The following SIK2 variants were observed in gnomAD, a reference collection of about 807,000 sequenced individuals.
SIK2 encodes serine/threonine-protein kinase SIK2.
A neutral mutation model predicts 103.2 loss-of-function variants in SIK2; 29 were observed. The ratio of observed to expected loss-of-function variants is 0.28; its 90% CI spans 0.21 to 0.38. The LOEUF (loss-of-function observed/expected upper bound fraction) is 0.38. SIK2 is among the 10% of genes least tolerant of loss of function. SIK2 has a pLI of 1.00. For missense variants in SIK2, 879 were observed against 1,171.0 expected (o/e 0.75, Z 3.64); for synonymous variants, 412 against 446.1 (o/e 0.92, Z 0.96).
At position 111,630,193 on chromosome 11, in the gene SIK2, T is replaced by A. The variant is rs138430239; in HGVS notation, c.316+9791T>A. ...ACAACATGCATACATCTTACAGACA[T>A]GTGCTAAGTAAAAGAAGCTGGACAC... On this transcript the variant is annotated intron_variant, in intron 3 of 14. Coordinates refer to ENST00000304987, the MANE Select transcript of SIK2 (RefSeq NM_015191.3). Among the ~76,000 whole-genome samples the A allele has an allele frequency of 1.6e-3, 243 of 152,224 alleles. 2 individuals are homozygous for A. The highest frequency in any genetic ancestry group is 5.4e-3 in the African/African-American group (225 of 41,544).
At chr11:111,611,190 A>G (rs1473279090) in intron 1 of SIK2, among the ~76,000 whole-genome samples, 1 of 151,564 alleles carries the variant, frequency 6.6e-6, no homozygotes, top group African/African-American at 2.4e-5. Context: ...CAGAGGTTGC[A>G]GTGAGCTGAG....
chr11:111,677,586 A>ATTTT lies in SIK2; in HGVS notation c.317-10396_317-10393dup, dbSNP rs11384906. ...GCGTGTGCCACAATGCCCAGCTAAA[A>ATTTT]TTTTTTTTTTTTTTTTTTTTTTGGT... On this transcript the variant is annotated intron_variant, in intron 3 of 14. Coordinates refer to ENST00000304987, the MANE Select transcript of SIK2 (RefSeq NM_015191.3). Among the ~76,000 whole-genome samples the ATTTT allele has an allele frequency of 1.6e-3, 172 of 110,924 alleles. 2 individuals carry two copies. The highest frequency in any genetic ancestry group is 5.7e-3 in the African/African-American group (162 of 28,360). 72.8% of individuals were successfully genotyped at this position (110,924 alleles called of 152,430 possible).
intron 3 of SIK2, among the ~76,000 whole-genome samples, chr11:111,645,158 A>C (rs1308222629): frequency 1.3e-5 from 2 of 152,254 alleles, no homozygotes; most frequent in Non-Finnish European, 2.9e-5. Context: ...ACTCTTACAT[A>C]CTACTGGTGA....
Position 111,722,782 on chromosome 11 carries a change from A to G in SIK2, c.2147+26A>G. 5.6e-6 allele frequency: 9 copies of G among 1,605,030 alleles called. No individual in the cohort carries two copies. The highest frequency in any genetic ancestry group is 7.7e-6 in the Non-Finnish European group (9 of 1,174,618). Reference sequence around the variant, plus strand: ...GTGAGAAGGGGACTTTGGCCAAAGAAGTTGCTTCCTTTTCTGGAAGCCTTG... The same window carrying G: ...GTGAGAAGGGGACTTTGGCCAAAGAGGTTGCTTCCTTTTCTGGAAGCCTTG... On this transcript the variant is annotated intron_variant, in intron 14 of 14. Coordinates refer to ENST00000304987, the MANE Select transcript of SIK2 (RefSeq NM_015191.3). The surrounding 1 kb of genome is among the most constrained non-coding windows in gnomAD (Gnocchi z 4.4).
chr11:111,723,409 G>A, intron 14 of SIK2, 87 bp from the exon 15 acceptor site: 2 of 1,386,632 alleles, frequency 1.4e-6, no homozygotes, highest in South Asian at 1.4e-5. Context: ...GTAGAAGACT[G>A]AAGCTAGTGA....
chr11:111,664,707 C>T (rs1406958562), intron 3 of SIK2, among the ~76,000 whole-genome samples: 1 of 135,966 alleles, frequency 7.4e-6, no homozygotes, highest in Non-Finnish European at 1.6e-5. Context: ...CCCACACACA[C>T]ACCTCTACAC....
chr11:111,625,972 C>G (rs1941955840), intron 3 of SIK2, among the ~76,000 whole-genome samples: 1 of 152,120 alleles, frequency 6.6e-6, no homozygotes, highest in East Asian at 1.9e-4. Flanking sequence ...CTAAATTGTT[C>G]TTTCTTGCTA....
intron 3 of SIK2, chr11:111,672,496 A>T (rs920749164): frequency 9.8e-6 from 2 of 204,050 alleles, no homozygotes; most frequent in Non-Finnish European, 2.0e-5. Flanking sequence ...TTAACACGTC[A>T]TAATAATTGG....
chr11:111,720,988 A>T lies in SIK2; in HGVS notation c.1870A>T (p.Ile624Leu). ...CAAAGTGCAGTTGTTGTATGAACAAATAGGACCGGAGGCAGACCCTAACCT... is the reference window on the plus strand; with the variant it reads ...CAAAGTGCAGTTGTTGTATGAACAATTAGGACCGGAGGCAGACCCTAACCT... ...LNKVQLLYEQ[I>L]GPEADPNLAP... Residue 624 changes from isoleucine (I) to leucine (L), a missense_variant, in exon 12 of 15, where the codon ATA becomes TTA. By Grantham distance (5) the Ile-to-Leu change is conservative. Transcript: ENST00000304987. 6.2e-7 allele frequency: 1 copy of T among 1,614,220 alleles called. No individual in the cohort carries two copies. Among genetic ancestry groups the T allele is most frequent in the Admixed American group, 1.7e-5 (1 of 60,028 alleles).
At chr11:111,652,299 C>G (rs1942337220) in intron 3 of SIK2, among the ~76,000 whole-genome samples, 1 of 152,098 alleles carries the variant, frequency 6.6e-6, no homozygotes, top group South Asian at 2.1e-4. Context: ...TGAATTGCTT[C>G]TGAGTTTTTA....
rs1364085813 is a variant in SIK2, at chr11:111,724,278, G to A, written c.*149G>A. On this transcript the variant is annotated 3_prime_UTR_variant, in exon 15 of 15. Transcript: ENST00000304987. ...CCAACTGGAATCAGAGGGTCTGGCT[G>A]GGGTGGATGTTGCTTCCTCCTGGTT... is the stretch of plus-strand genomic sequence containing the variant. 8.5e-7 allele frequency: 1 copy of A among 1,172,636 alleles called. No individual in the cohort carries two copies. Among genetic ancestry groups the A allele is most frequent in the Non-Finnish European group, 1.2e-6 (1 of 860,500 alleles). 72.6% of individuals were successfully genotyped at this position (1,172,636 alleles called of 1,614,324 possible).
rs1278800037 is a variant in SIK2, at chr11:111,703,406, C to A, written c.931C>A (p.Gln311Lys). 2.5e-6 allele frequency: 4 copies of A among 1,613,776 alleles called. No homozygotes were observed. Among genetic ancestry groups the A allele is most frequent in the Non-Finnish European group, 3.4e-6 (4 of 1,179,852 alleles). ...ACTGATGCACAGCCTTGGAATAGAT[C>A]AGCAGAAAACCATTGAGGTAAAGTG... ...LRLMHSLGID[Q>K]QKTIESLQNK... The change falls in exon 7 of 15, where the codon CAG (glutamine) becomes AAG (lysine). Residue 311 changes from glutamine (Q) to lysine (K), a missense_variant. Gln to Lys is a moderately conservative substitution (Grantham distance 53). Transcript: ENST00000304987.
At position 111,720,558 on chromosome 11, in the gene SIK2, C is replaced by T. The variant is rs113067223; in HGVS notation, c.1576C>T (p.Leu526=). The T allele has an allele frequency of 8.1e-6, 13 of 1,614,138 alleles. No individual in the cohort carries two copies. The African/African-American group carries it at 9.3e-5, about 12-fold the overall frequency. The change falls in exon 11 of 15, where the codon CTG becomes TTG. Residue 526 remains leucine, a synonymous_variant. Coordinates refer to ENST00000304987, the MANE Select transcript of SIK2 (RefSeq NM_015191.3). Reference sequence around the variant, plus strand: ...TGATATGGGGTCTGTTCAGAGGGACCTGAACTTTCTGGAAGACAACCCTTC... The same window carrying T: ...TGATATGGGGTCTGTTCAGAGGGACTTGAACTTTCTGGAAGACAACCCTTC... The part of the protein sequence containing the change: ...EYDMGSVQRD[L]NFLEDNPSLK...
intron 1 of SIK2, among the ~76,000 whole-genome samples, chr11:111,605,843 A>G (rs1941642168): frequency 6.6e-6 from 1 of 152,228 alleles, no homozygotes; most frequent in Non-Finnish European, 1.5e-5. Flanking sequence ...TGTTTATGAA[A>G]TATAATTACA....
intron 9 of SIK2, 76 bp downstream of exon 9, chr11:111,712,451 T>C (rs1288076504): frequency 2.7e-5 from 40 of 1,467,730 alleles, no homozygotes; most frequent in Non-Finnish European, 3.6e-5. Context: ...TGTTGTACTT[T>C]GGCTTTATTG....
intron 3 of SIK2, 120 bp downstream of exon 3, chr11:111,620,522 A>G: frequency 1.6e-6 from 1 of 627,108 alleles, no homozygotes; most frequent in South Asian, 2.3e-5. Context: ...AAAAAAAATT[A>G]AGTGTTAGAA....
At position 111,643,055 on chromosome 11, in the gene SIK2, G is replaced by A. The variant is rs1258059629; in HGVS notation, c.316+22653G>A. Among the ~76,000 whole-genome samples the A allele has an allele frequency of 2.0e-5, 3 of 151,976 alleles. 1 individual carries two copies. The highest frequency in any genetic ancestry group is 2.0e-4 in the Admixed American group (3 of 15,270). ...CTCATCTGTCCGCTAGTTAAAAGAGGCCTTTCTTTCATTCTCATGGTTTTG... is the reference window on the plus strand; with the variant it reads ...CTCATCTGTCCGCTAGTTAAAAGAGACCTTTCTTTCATTCTCATGGTTTTG... On this transcript the variant is annotated intron_variant, in intron 3 of 14. Coordinates refer to ENST00000304987, the MANE Select transcript of SIK2 (RefSeq NM_015191.3).
chr11:111,605,561 T>TA (rs1941639149), intron 1 of SIK2, among the ~76,000 whole-genome samples: 1 of 152,234 alleles, frequency 6.6e-6, no homozygotes, highest in African/African-American at 2.4e-5. Context: ...TACTATGCTT[T>TA]AACATCGATA....
intron 1 of SIK2, among the ~76,000 whole-genome samples, chr11:111,609,864 G>A (rs1941696825): frequency 6.6e-6 from 1 of 152,152 alleles, no homozygotes; most frequent in Non-Finnish European, 1.5e-5. Flanking sequence ...TAAGCTGAAA[G>A]TTGTATTTAT....
Sources: gnomAD v4.1 joint callset for allele counts (sites outside exome capture counted in the v4.1 genomes callset) on GRCh38, gnomAD v4.1.1 for gene constraint, Gnocchi (gnomAD v3.1) non-coding constraint, MANE v1.5 for transcripts, NCBI Gene and HGNC (gene_info 2026-07-23, HGNC 2026-07-21) for gene names.